PTPN2: variants seen among roughly 807,000 people sequenced by gnomAD.
PTPN2 encodes the protein tyrosine-protein phosphatase non-receptor type 2.
In PTPN2, 19 loss-of-function variants were observed where a neutral mutation model predicts 57.3. That is an observed-to-expected ratio of 0.33 (90% confidence interval 0.23 to 0.49). The LOEUF is 0.49. Among genes scored for constraint, PTPN2 ranks in the 20% least tolerant of loss-of-function variants. The pLI is 0.99. For missense variants in PTPN2, 358 were observed against 501.1 expected (o/e 0.71, Z 2.73); for synonymous variants, 153 against 164.9 (o/e 0.93, Z 0.55).
chr18:12,789,476 A>G (rs2040925002), downstream of PTPN2, among the ~76,000 whole-genome samples: 1 of 152,256 alleles, frequency 6.6e-6, no homozygotes, highest in East Asian at 1.9e-4. Flanking sequence ...GGGTTTCTTA[A>G]AAGTAAAAGA....
At position 12,870,282 on chromosome 18, in the gene PTPN2, TAC is replaced by T. The variant is rs1305537706; in HGVS notation, c.70-11030_70-11029del. On this transcript the variant is annotated intron_variant, in intron 1 of 8. Transcript: ENST00000309660. ...GCATATATATATATATGTATATATA[TAC>T]ATATACATATATATGTGTATATATA... Among the ~76,000 whole-genome samples, 528 of 73,456 alleles carry T rather than the reference TAC, an allele frequency of 7.2e-3. 25 individuals are homozygous for T. Among genetic ancestry groups the T allele is most frequent in the African/African-American group, 0.04 (496 of 12,518 alleles). The allele number at this position is 73,456 out of a possible 152,430, so 48.2% of individuals were successfully genotyped here. A position where few individuals can be genotyped will look rare whatever the true frequency, so the allele number is the denominator to read the frequency against.
intron 2 of PTPN2, among the ~76,000 whole-genome samples, chr18:12,841,465 C>A (rs1284838022): frequency 2.6e-5 from 4 of 152,198 alleles, no homozygotes. Flanking sequence ...TACACCAATA[C>A]ACTGAAAGCG....
chr18:12,868,832 A>C (rs766881974), intron 1 of PTPN2, among the ~76,000 whole-genome samples: 3 of 151,628 alleles, frequency 2.0e-5, no homozygotes, highest in Non-Finnish European at 4.4e-5. Context: ...TGAAGCTATA[A>C]AACAAAGGCT....
intron 7 of PTPN2, among the ~76,000 whole-genome samples, chr18:12,803,082 G>A (rs2041490427): frequency 6.6e-6 from 1 of 152,128 alleles, no homozygotes; most frequent in Admixed American, 6.6e-5. Context: ...ATAAAAAGAT[G>A]TAAATTAAGC....
intron 5 of PTPN2, among the ~76,000 whole-genome samples, chr18:12,824,987 G>T (rs2042399112): frequency 6.6e-6 from 1 of 152,254 alleles, no homozygotes; most frequent in South Asian, 2.1e-4. Flanking sequence ...TCAGGAGGCT[G>T]AAGTGGGAGG....
intron 5 of PTPN2, among the ~76,000 whole-genome samples, chr18:12,817,878 T>C (rs1435727068): frequency 6.6e-6 from 1 of 152,238 alleles, no homozygotes; most frequent in Non-Finnish European, 1.5e-5. Context: ...CAATGGCTCA[T>C]GCCTGTAATC....
At chr18:12,819,507 C>CA (rs1303516224) in intron 5 of PTPN2, among the ~76,000 whole-genome samples, 2 of 151,964 alleles carry the variant, frequency 1.3e-5, no homozygotes, top group Non-Finnish European at 2.9e-5. Flanking sequence ...TGACTGTACA[C>CA]AAGCAACACA....
chr18:12,830,711 A>C (rs1439591625), intron 4 of PTPN2, among the ~76,000 whole-genome samples: 2 of 152,230 alleles, frequency 1.3e-5, no homozygotes, highest in Non-Finnish European at 2.9e-5. Context: ...CTGCTAGTCC[A>C]TATTTATTCC....
chr18:12,884,111 C>T lies in PTPN2; in HGVS notation c.31G>A (p.Glu11Lys), dbSNP rs200164592. The T allele has an allele frequency of 5.7e-6, 9 of 1,588,876 alleles. No homozygotes were observed. The highest frequency in any genetic ancestry group is 1.4e-5 in the African/African-American group (1 of 74,038). Residue 11 changes from glutamate (E) to lysine (K), a missense_variant, in exon 1 of 9, where the codon GAG becomes AAG. Coordinates refer to ENST00000309660, the MANE Select transcript of PTPN2 (RefSeq NM_002828.4). The stretch of plus-strand genomic sequence containing the variant: ...TGCCAGCGACGCTGAGTATCCAACT[C>T]TTCGAACTCCCGCTCGATGGTGGTG... The part of the protein sequence containing the change: MPTTIEREFE[E>K]LDTQRRWQPL...
chr18:12,809,007 G>T (rs1029773396), intron 7 of PTPN2, among the ~76,000 whole-genome samples: 2 of 152,084 alleles, frequency 1.3e-5, no homozygotes, highest in Non-Finnish European at 2.9e-5. Flanking sequence ...GAGAACTAAC[G>T]GTGAGATCTC....
chr18:12,829,447 G>T (rs966634045), intron 4 of PTPN2, among the ~76,000 whole-genome samples: 4 of 145,948 alleles, frequency 2.7e-5, no homozygotes, highest in African/African-American at 1.0e-4. Flanking sequence ...GGAGGCTGCA[G>T]TGAGCTGAAA....
intron 1 of PTPN2, among the ~76,000 whole-genome samples, chr18:12,871,297 C>T (rs1468667255): frequency 6.6e-6 from 1 of 152,106 alleles, no homozygotes; most frequent in African/African-American, 2.4e-5. Flanking sequence ...TATACTGTCA[C>T]CAATAATATA....
intron 1 of PTPN2, among the ~76,000 whole-genome samples, chr18:12,874,329 C>T (rs1217256580): frequency 3.7e-5 from 5 of 134,574 alleles, no homozygotes; most frequent in African/African-American, 5.7e-5. Context: ...CTTGGCCAGC[C>T]GCCCCGTCTG....
intron 1 of PTPN2, among the ~76,000 whole-genome samples, chr18:12,870,090 C>A (rs1246291401): frequency 1.3e-5 from 2 of 150,486 alleles, no homozygotes; most frequent in African/African-American, 4.9e-5. Context: ...AGTTTAGAGA[C>A]TAAAACAGCT....
intron 7 of PTPN2, among the ~76,000 whole-genome samples, chr18:12,802,357 A>T (rs933658784): frequency 6.6e-6 from 1 of 152,196 alleles, no homozygotes; most frequent in Non-Finnish European, 1.5e-5. Context: ...ATAATAAAGC[A>T]TTTAGTATTT....
intron 4 of PTPN2, among the ~76,000 whole-genome samples, chr18:12,826,739 T>G (rs2042475744): frequency 6.6e-6 from 1 of 151,968 alleles, no homozygotes; most frequent in African/African-American, 2.4e-5. Context: ...CAGCTAATTT[T>G]TGTATTTTTA....
rs1380130054 is a variant in PTPN2 at position 12,851,347 on chromosome 18, C to T, written c.160+7817G>A. Among the ~76,000 whole-genome samples, 2 of 40,606 alleles carry T rather than the reference C, an allele frequency of 4.9e-5. 1 individual carries two copies. The highest frequency in any genetic ancestry group is 1.3e-4 in the Non-Finnish European group (2 of 15,138). 26.6% of individuals were successfully genotyped at this position (40,606 alleles called of 152,430 possible). A position where few individuals can be genotyped will look rare whatever the true frequency, so the allele number is the denominator to read the frequency against. On this transcript the variant is annotated intron_variant, in intron 2 of 8. Coordinates refer to ENST00000309660, the MANE Select transcript of PTPN2 (RefSeq NM_002828.4). ...ACAAAAAATTAGCCGGGCGCGGTGG[C>T]GGGCGCCTGTAGTCCCAGCTACTCG...
chr18:12,789,690 C>CA (rs1173867787), downstream of PTPN2, among the ~76,000 whole-genome samples: 1 of 152,182 alleles, frequency 6.6e-6, no homozygotes, highest in Non-Finnish European at 1.5e-5. Flanking sequence ...GCTAGAAAAA[C>CA]AGATAAACCA....
exon 10 of PTPN2, chr18:12,785,558 C>T (rs2542156): frequency 0.98 from 521,142 of 529,218 alleles, 257,058 homozygotes; most frequent in East Asian, 1. Flanking sequence ...AAGTAATCTC[C>T]CCTAATTTAT....
Sources: allele counts gnomAD v4.1 joint callset (sites outside exome capture counted in the v4.1 genomes callset), GRCh38; gene constraint gnomAD v4.1.1; transcripts MANE v1.5; gene names NCBI Gene and HGNC (gene_info 2026-07-23, HGNC 2026-07-21).